The following NDST1 variants were observed in gnomAD, a reference collection of about 807,000 sequenced individuals.
The protein encoded by NDST1 is N-deacetylase and N-sulfotransferase 1.
Under a neutral mutation model 92.8 loss-of-function variants are expected in NDST1, and 35 were observed. The ratio of observed to expected loss-of-function variants is 0.38; its 90% CI spans 0.29 to 0.50. The LOEUF (loss-of-function observed/expected upper bound fraction) is 0.50. Ranked by LOEUF, NDST1 falls within the 20% of genes least tolerant of loss-of-function variation. The pLI, the probability that NDST1 is intolerant of heterozygous loss-of-function variation, is 0.94. For missense variants in NDST1, 822 were observed against 1,182.7 expected (o/e 0.69, Z 4.47); for synonymous variants, 493 against 500.3 (o/e 0.99, Z 0.19).
At chr5:150,543,296 T>C (rs1755329881) in intron 10 of NDST1, among the ~76,000 whole-genome samples, 1 of 152,172 alleles carries the variant, frequency 6.6e-6, no homozygotes, top group African/African-American at 2.4e-5. Flanking sequence ...AGGTCGGAAA[T>C]CCAAATGTTC....
intron 3 of NDST1, among the ~76,000 whole-genome samples, chr5:150,532,274 A>G (rs920384413): frequency 1.3e-5 from 2 of 152,228 alleles, no homozygotes; most frequent in African/African-American, 4.8e-5. Flanking sequence ...GATTCTTCCA[A>G]GAGCCTTATG....
intron 10 of NDST1, among the ~76,000 whole-genome samples, chr5:150,543,438 G>A (rs1050823265): frequency 1.3e-5 from 2 of 152,234 alleles, no homozygotes; most frequent in African/African-American, 4.8e-5. Flanking sequence ...AGAGCCTGCA[G>A]AGGTTACCTT....
chr5:150,557,432 GC>G lies in NDST1; in HGVS notation c.*4102del, dbSNP rs1755893197. On this transcript the variant is annotated 3_prime_UTR_variant, in exon 15 of 15. Transcript: ENST00000261797. The surrounding 1 kb of genome is among the most constrained non-coding windows in gnomAD (Gnocchi z 4.7). ...AGGCTCTCAGTTGCAGCAGGGAAAA[GC>G]CTACATGGGGAACTGCCTCCCGCAA... 1 of 152,632 alleles carries G rather than the reference GC, an allele frequency of 6.6e-6. No homozygotes were observed. The highest frequency in any genetic ancestry group is 1.5e-5 in the Non-Finnish European group (1 of 68,062). 9.5% of individuals were successfully genotyped at this position (152,632 alleles called of 1,614,324 possible). A position where few individuals can be genotyped will look rare whatever the true frequency, so the allele number is the denominator to read the frequency against.
chr5:150,502,592 G>T (rs1226384789), intron 1 of NDST1, among the ~76,000 whole-genome samples: 2 of 152,128 alleles, frequency 1.3e-5, no homozygotes, highest in Admixed American at 6.5e-5. Flanking sequence ...AACAGGGGTT[G>T]TGTGAGGGGC....
chr5:150,519,325 C>T (rs1380441723), intron 1 of NDST1, among the ~76,000 whole-genome samples: 3 of 152,162 alleles, frequency 2.0e-5, no homozygotes, highest in African/African-American at 7.2e-5. Flanking sequence ...GCCTTGAATT[C>T]CCCCCTGGCC....
At chr5:150,541,939 G>A (rs76456883) in intron 9 of NDST1, among the ~76,000 whole-genome samples, 3,689 of 152,256 alleles carry the variant, frequency 0.024, 148 homozygotes, top group East Asian at 0.16. Flanking sequence ...AGTCAGAGAA[G>A]CCCAGATCAG....
At chr5:150,536,000 G>C in intron 6 of NDST1, 115 bp downstream of exon 6, 1 of 1,282,816 alleles carries the variant, frequency 7.8e-7, no homozygotes, top group Non-Finnish European at 1.1e-6. Context: ...AGGGGTTGCA[G>C]ATCAGCTTCT....
chr5:150,498,172 G>A (rs904978566), exon 1 of NDST1: 2 of 152,600 alleles, frequency 1.3e-5, no homozygotes, highest in Admixed American at 6.5e-5. Flanking sequence ...CTGGGTCAGG[G>A]TGTGGTCTTG....
upstream of NDST1, among the ~76,000 whole-genome samples, chr5:150,504,231 G>A (rs1753353042): frequency 6.6e-6 from 1 of 152,202 alleles, no homozygotes; most frequent in East Asian, 1.9e-4. Context: ...GGCTGTCACC[G>A]GGCATTGCTT....
At chr5:150,547,426 C>T (rs998422362) in intron 11 of NDST1, among the ~76,000 whole-genome samples, 5 of 152,182 alleles carry the variant, frequency 3.3e-5, no homozygotes, top group African/African-American at 1.2e-4. Flanking sequence ...GTGCCTGTCG[C>T]ACAGGTGCCT....
chr5:150,540,155 T>C lies in NDST1; in HGVS notation c.1640T>C (p.Val547Ala). ...GGCCTGTACACCTTCAAGCACCTGG[T>C]GCGCTTCCTGCACTCCTGGACGAAC... ...RLGLYTFKHLVRFLHSWTNLR... is the reference protein window; with the variant it reads ...RLGLYTFKHLARFLHSWTNLR... Residue 547 changes from valine to alanine, a missense_variant, in exon 8 of 15, where the codon GTG (valine) becomes GCG (alanine). Transcript: ENST00000261797. The C allele has an allele frequency of 6.2e-7, 1 of 1,614,228 alleles. No homozygotes were observed. Among genetic ancestry groups the C allele is most frequent in the Non-Finnish European group, 8.5e-7 (1 of 1,180,046 alleles).
intron 6 of NDST1, among the ~76,000 whole-genome samples, 167 bp downstream of exon 6, chr5:150,536,052 G>A (rs1327898788): frequency 1.3e-5 from 2 of 152,214 alleles, no homozygotes; most frequent in Non-Finnish European, 2.9e-5. Context: ...CCCAGGGAAG[G>A]TGGGCTGCCA....
At position 150,501,966 on chromosome 5, in the gene NDST1, G is replaced by A. The variant is rs192666323; in HGVS notation, c.-388+3727G>A. On this transcript the variant is annotated intron_variant, in intron 1 of 1. Transcript: ENST00000518299. Reference sequence around the variant, plus strand: ...ATTTTCCAGGCAGAGGGAGCTGCAGGGCAAAGGCGCTGGAACTGGAGGGCA... The same window carrying A: ...ATTTTCCAGGCAGAGGGAGCTGCAGAGCAAAGGCGCTGGAACTGGAGGGCA... Among the ~76,000 whole-genome samples the A allele has an allele frequency of 1.1e-4, 17 of 152,318 alleles. No individual in the cohort carries two copies. In the East Asian group the frequency reaches 3.1e-3, roughly 28 times the overall value.
At chr5:150,536,677 TG>T (rs1185301148) in intron 6 of NDST1, among the ~76,000 whole-genome samples, 3 of 152,142 alleles carry the variant, frequency 2.0e-5, no homozygotes, top group African/African-American at 7.2e-5. Flanking sequence ...GCAATTCTCC[TG>T]CTTCAGCCTC....
chr5:150,519,685 C>CA lies in NDST1; in HGVS notation c.-387-1172dup, dbSNP rs540237731. ...GGGCAACAAGAGTGAAACTCCGCCT[C>CA]AAAAAAAAAAAGTAAGAAGAAAAGA... On this transcript the variant is annotated intron_variant, in intron 1 of 14. Coordinates refer to ENST00000261797, the MANE Select transcript of NDST1 (RefSeq NM_001543.5). Among the ~76,000 whole-genome samples, 246 of 143,504 alleles carry CA rather than the reference C, an allele frequency of 1.7e-3. 1 individual carries two copies. Among genetic ancestry groups the CA allele is most frequent in the African/African-American group, 4.8e-3 (187 of 39,144 alleles). The allele number at this position is 143,504 out of a possible 152,430, so 94.1% of individuals were successfully genotyped here.
Position 150,535,753 on chromosome 5 carries a change from C to T in NDST1, c.1305C>T (p.Gly435=), listed in dbSNP as rs566674949. The T allele has an allele frequency of 1.9e-5, 30 of 1,614,230 alleles. No homozygotes were observed. Among genetic ancestry groups the T allele is most frequent in the Middle Eastern group, 3.3e-4 (2 of 6,062 alleles). The change falls in exon 6 of 15, where the codon GGC becomes GGT. Residue 435 remains glycine, a synonymous_variant. Coordinates refer to ENST00000261797, the MANE Select transcript of NDST1 (RefSeq NM_001543.5). ...MGYAVAPHHS[G]VYPVHVQLYE... ...ATGCAGTGGCGCCCCACCACTCGGG[C>T]GTGTACCCCGTGCACGTGCAGCTGT...
rs897176425 is a variant in NDST1 at position 150,532,956 on chromosome 5, C to T, written c.1020C>T (p.Asp340=). The T allele has an allele frequency of 1.9e-6, 3 of 1,614,230 alleles. No homozygotes were observed. The highest frequency in any genetic ancestry group is 2.2e-5 in the East Asian group (1 of 44,888). ...MKVEDVKALF[D]TQNELRAHIP... is the part of the protein sequence containing the mutation. The stretch of plus-strand genomic sequence containing the variant: ...CCTGCCTGTCCTAGGCCCTGTTTGA[C>T]ACACAGAACGAACTACGCGCACACA... The change falls in exon 4 of 15, where the codon GAC becomes GAT. Residue 340 remains aspartate, a synonymous_variant. Transcript: ENST00000261797.
chr5:150,518,502 C>A (rs1384921939), intron 1 of NDST1, among the ~76,000 whole-genome samples: 3 of 152,144 alleles, frequency 2.0e-5, no homozygotes, highest in African/African-American at 7.2e-5. Flanking sequence ...GAGACCAGAC[C>A]TGTTGTCCCA....
chr5:150,540,057 T>TCTCTC (rs763977679), intron 7 of NDST1, 25 bp from the exon 8 acceptor site: 10 of 1,613,874 alleles, frequency 6.2e-6, no homozygotes, highest in Non-Finnish European at 8.5e-6. Flanking sequence ...GGGCCCTGCC[T>TCTCTC]CTCTCCTCCC....
Sources: gnomAD v4.1 joint callset for allele counts (sites outside exome capture counted in the v4.1 genomes callset) on GRCh38, gnomAD v4.1.1 for gene constraint, Gnocchi (gnomAD v3.1) non-coding constraint, MANE v1.5 for transcripts, NCBI Gene and HGNC (gene_info 2026-07-23, HGNC 2026-07-21) for gene names.